The following RCHY1 variants were observed in gnomAD, a reference collection of about 807,000 sequenced individuals.
RCHY1 encodes ring finger and CHY zinc finger domain containing 1.
A neutral mutation model predicts 41.6 loss-of-function variants in RCHY1; 21 were observed. The observed-to-expected ratio is 0.51, with a 90% confidence interval of 0.36 to 0.73. The LOEUF (loss-of-function observed/expected upper bound fraction) is 0.73. Among genes scored for constraint, RCHY1 ranks in the 30% least tolerant of loss-of-function variants. The pLI, the probability that RCHY1 is intolerant of heterozygous loss-of-function variation, is 0.00. For missense variants in RCHY1, 265 were observed against 325.3 expected, an observed-to-expected ratio of 0.81 and a Z score of 1.43; for synonymous variants, 79 against 102.9, an observed-to-expected ratio of 0.77 and a Z score of 1.41.
At chr4:75,492,113 G>C (rs908460453) in intron 4 of RCHY1, among the ~76,000 whole-genome samples, 180 bp from the exon 5 acceptor site, 1 of 151,680 alleles carries the variant, frequency 6.6e-6, no homozygotes, top group African/African-American at 2.4e-5. Flanking sequence ...CACTATTTCA[G>C]GCTTGGCATA....
rs756147426 is a variant in RCHY1, at chr4:75,508,851, GCTT to G, written c.292_294del (p.Lys98del). On this transcript the variant is annotated inframe_deletion, in exon 3 of 9. Transcript: ENST00000324439. Reference sequence around the variant, plus strand: ...ATTCCACAGTTTTCACAGTGATACTGCTTCTTATCTTTGTCAAACAAATGGCAT... The same window carrying G: ...ATTCCACAGTTTTCACAGTGATACTGCTTATCTTTGTCAAACAAATGGCAT... 1 of 1,609,454 alleles carries G rather than the reference GCTT, an allele frequency of 6.2e-7. No homozygotes were observed. Among genetic ancestry groups the G allele is most frequent in the Non-Finnish European group, 8.5e-7 (1 of 1,177,288 alleles).
chr4:75,487,512 TAATATATATATTCATA>T (rs1722154620), intron 8 of RCHY1, among the ~76,000 whole-genome samples: 2 of 130,604 alleles, frequency 1.5e-5, no homozygotes, highest in Admixed American at 8.7e-5. Context: ...TATATATTCA[TAATATATATATTCATA>T]ATATATTCAT....
chr4:75,494,835 C>G (rs11729106), intron 3 of RCHY1, among the ~76,000 whole-genome samples: 39,097 of 151,640 alleles, frequency 0.26, 5,412 homozygotes, highest in African/African-American at 0.35. Context: ...ACCATGTTCC[C>G]CACACTTTGG....
chr4:75,499,884 A>T (rs1274758070), intron 3 of RCHY1, among the ~76,000 whole-genome samples: 5 of 152,224 alleles, frequency 3.3e-5, no homozygotes, highest in Non-Finnish European at 5.9e-5. Flanking sequence ...TACGGTTTAC[A>T]TTAATTGATT....
At position 75,487,108 on chromosome 4, in the gene RCHY1, AT is replaced by A. The variant is rs1722085508; in HGVS notation, c.657+3472del. On this transcript the variant is annotated intron_variant, in intron 8 of 8. Coordinates refer to ENST00000324439, the MANE Select transcript of RCHY1 (RefSeq NM_015436.4). ...AAAAGTTTATAAGGGAATATAAAAG[AT>A]TTATGGAAATCTTACGTGGTAAAAA... 3.9e-5 allele frequency among the ~76,000 whole-genome samples: 6 copies of A among 152,242 alleles called. No homozygotes were observed. The South Asian group carries it at 1.2e-3, about 32-fold the overall frequency.
Position 75,479,975 on chromosome 4 carries a change from T to C in RCHY1, c.*2563A>G, listed in dbSNP as rs376282741. On this transcript the variant is annotated 3_prime_UTR_variant, in exon 9 of 9. Transcript: ENST00000324439. ...CTTATAGAGGTATAACCTATACTTATGAAGTCAGAGAAAGAAAAAATATTT... is the reference window on the plus strand; with the variant it reads ...CTTATAGAGGTATAACCTATACTTACGAAGTCAGAGAAAGAAAAAATATTT... The C allele has an allele frequency of 6.6e-6, 1 of 152,210 alleles. No individual in the cohort carries two copies. Among genetic ancestry groups the C allele is most frequent in the African/African-American group, 2.4e-5 (1 of 41,460 alleles). 9.4% of individuals were successfully genotyped at this position (152,210 alleles called of 1,614,324 possible).
In RCHY1 at chr4:75,514,188, A is replaced by C. The variant is rs1725288846; in HGVS notation, c.90+9T>G. ...AGCTTGTCAGGGAAGAGTCCATAGA[A>C]GGCGTCACCTTTAGGAGACATCCTC... is the stretch of plus-strand genomic sequence containing the variant. On this transcript the variant is annotated intron_variant, in intron 1 of 8. Transcript: ENST00000324439. The C allele has an allele frequency of 6.2e-7, 1 of 1,606,724 alleles. No homozygotes were observed. The highest frequency in any genetic ancestry group is 8.5e-7 in the Non-Finnish European group (1 of 1,174,064).
intron 5 of RCHY1, 53 bp from the exon 6 acceptor site, chr4:75,491,835 G>A (rs1164000521): frequency 1.2e-6 from 2 of 1,600,918 alleles, no homozygotes; most frequent in Non-Finnish European, 1.7e-6. Context: ...AAACATCCAA[G>A]TATTTTAAAT....
chr4:75,484,962 A>C (rs1193981658), intron 8 of RCHY1, among the ~76,000 whole-genome samples: 1 of 152,188 alleles, frequency 6.6e-6, no homozygotes, highest in Non-Finnish European at 1.5e-5. Flanking sequence ...AAATATTTCA[A>C]TATTTTTATT....
chr4:75,512,164 T>G (rs1000587755), intron 1 of RCHY1, among the ~76,000 whole-genome samples: 3 of 152,192 alleles, frequency 2.0e-5, no homozygotes, highest in Non-Finnish European at 4.4e-5. Flanking sequence ...TCATATGAGG[T>G]GGACACTTAC....
intron 1 of RCHY1, among the ~76,000 whole-genome samples, chr4:75,513,744 A>G (rs899120414): frequency 6.6e-6 from 1 of 152,218 alleles, no homozygotes; most frequent in African/African-American, 2.4e-5. Context: ...CCTACGTCTG[A>G]ACATGTGCAC....
chr4:75,511,908 A>C (rs1249119254), intron 1 of RCHY1, among the ~76,000 whole-genome samples: 1 of 151,960 alleles, frequency 6.6e-6, no homozygotes, highest in Non-Finnish European at 1.5e-5. Context: ...GGTTCCATTC[A>C]CCACACTTTG....
At chr4:75,511,063 A>T (rs891869760) in intron 1 of RCHY1, among the ~76,000 whole-genome samples, 5 of 152,212 alleles carry the variant, frequency 3.3e-5, no homozygotes, top group Admixed American at 6.5e-5. Context: ...CGTATCAAGG[A>T]ATATGATTGA....
At chr4:75,490,891 T>C in intron 7 of RCHY1, 190 bp from the exon 8 acceptor site, 1 of 447,374 alleles carries the variant, frequency 2.2e-6, no homozygotes, top group Non-Finnish European at 3.9e-6. Flanking sequence ...TGTATACTTA[T>C]TTAAAACTAA....
Position 75,514,329 on chromosome 4 carries a change from A to T in RCHY1, c.-43T>A, listed in dbSNP as rs1420799499. On this transcript the variant is annotated 5_prime_UTR_variant, in exon 1 of 9. Transcript: ENST00000324439. The stretch of plus-strand genomic sequence containing the variant: ...ACATTCCACCGATCCTTCCCCCAGG[A>T]TAAAAACCACGCCCAGAGAAGCTGC... 1 of 1,587,648 alleles carries T rather than the reference A, an allele frequency of 6.3e-7. No homozygotes were observed. The highest frequency in any genetic ancestry group is 1.1e-5 in the South Asian group (1 of 89,902).
intron 3 of RCHY1, among the ~76,000 whole-genome samples, chr4:75,497,534 T>C (rs1376278628): frequency 6.6e-6 from 1 of 152,160 alleles, no homozygotes; most frequent in South Asian, 2.1e-4. Context: ...TCTGAACCTA[T>C]TATCATTTTG....
intron 1 of RCHY1, among the ~76,000 whole-genome samples, chr4:75,513,643 C>T (rs777672629): frequency 1.1e-4 from 16 of 152,120 alleles, no homozygotes; most frequent in Non-Finnish European, 2.1e-4. Context: ...CTCAGAGTAA[C>T]AATACATGCT....
At chr4:75,493,588 T>C (rs1288207015) in intron 4 of RCHY1, among the ~76,000 whole-genome samples, 1 of 151,872 alleles carries the variant, frequency 6.6e-6, no homozygotes, top group Admixed American at 6.6e-5. Context: ...CTTAATTAAA[T>C]TCTTACAGTA....
chr4:75,492,809 G>T (rs1443016854), intron 4 of RCHY1, among the ~76,000 whole-genome samples: 1 of 151,934 alleles, frequency 6.6e-6, no homozygotes, highest in East Asian at 1.9e-4. Flanking sequence ...TAAAAATCTA[G>T]ACTGTAATCC....
Sources: gnomAD v4.1 joint callset for allele counts (sites outside exome capture counted in the v4.1 genomes callset) on GRCh38, gnomAD v4.1.1 for gene constraint, MANE v1.5 for transcripts, NCBI Gene and HGNC (gene_info 2026-07-23, HGNC 2026-07-21) for gene names.